ARHGAP23: variants seen among roughly 807,000 people sequenced by gnomAD.
The protein encoded by ARHGAP23 is Rho GTPase activating protein 23, also known as rho GTPase-activating protein 23.
Under a neutral mutation model 136.3 loss-of-function variants are expected in ARHGAP23, and 34 were observed. The ratio of observed to expected loss-of-function variants is 0.25; its 90% CI spans 0.19 to 0.33. The LOEUF (loss-of-function observed/expected upper bound fraction) is 0.33. ARHGAP23 is among the 10% of genes least tolerant of loss of function. ARHGAP23 has a pLI of 1.00. For synonymous variants in ARHGAP23, 832 were observed against 920.5 expected, an observed-to-expected ratio of 0.90 and a Z score of 1.74; for missense variants, 1,808 against 2,139.0, an observed-to-expected ratio of 0.85 and a Z score of 3.05.
chr17:38,448,596 G>T (rs71384228), intron 1 of ARHGAP23, among the ~76,000 whole-genome samples: 1 of 150,786 alleles, frequency 6.6e-6, no homozygotes, highest in Non-Finnish European at 1.5e-5. Context: ...TCCAGATCCC[G>T]TGTGTCAGCC....
At chr17:38,445,107 C>T (rs533999883) in intron 1 of ARHGAP23, among the ~76,000 whole-genome samples, 14 of 151,928 alleles carry the variant, frequency 9.2e-5, no homozygotes, top group Middle Eastern at 3.4e-3. Context: ...CCTGAGCCAC[C>T]GTGCCTGGCC....
At chr17:38,428,922 C>G (rs1399537048) in intron 1 of ARHGAP23, among the ~76,000 whole-genome samples, 1 of 152,040 alleles carries the variant, frequency 6.6e-6, no homozygotes, top group African/African-American at 2.4e-5. Context: ...TTTCCTCTGC[C>G]CGAGTTTTCG....
intron 1 of ARHGAP23, among the ~76,000 whole-genome samples, chr17:38,452,915 G>A (rs1233300602): frequency 6.6e-6 from 1 of 152,208 alleles, no homozygotes; most frequent in Non-Finnish European, 1.5e-5. Context: ...GAGCTAATGG[G>A]TAGGGAGTCC....
intron 17 of ARHGAP23, among the ~76,000 whole-genome samples, chr17:38,488,412 G>A (rs914173249): frequency 2.6e-5 from 4 of 152,130 alleles, no homozygotes; most frequent in African/African-American, 9.7e-5. Context: ...TTTTTCTTAT[G>A]TTGATTTGCG....
intron 1 of ARHGAP23, among the ~76,000 whole-genome samples, chr17:38,435,723 C>T (rs992423385): frequency 3.7e-4 from 56 of 152,258 alleles, no homozygotes; most frequent in East Asian, 1.9e-4. Context: ...CTCTGCCTCC[C>T]GAGTAGTTGG....
chr17:38,466,666 C>T lies in ARHGAP23; in HGVS notation c.983C>T (p.Pro328Leu), dbSNP rs942012058. ...DRLEEVAAPRPWPCSTSQDAL... is the reference protein window; with the variant it reads ...DRLEEVAAPRLWPCSTSQDAL... ...TTGGAGGAGGTGGCTGCCCCCCGCC[C>T]GTGGCCCTGCTCCACCTCCCAGGAT... The change falls in exon 7 of 24, where the codon CCG becomes CTG. Residue 328 changes from proline (P) to leucine (L), a missense_variant. Around this residue, in one of 7 missense-constraint regions of ARHGAP23, gnomAD observed 859 missense variants for 936.4 expected, o/e 0.92. Coordinates refer to ENST00000622683, the MANE Select transcript of ARHGAP23 (RefSeq NM_001199417.2). The T allele has an allele frequency of 1.3e-5, 20 of 1,513,268 alleles. No individual in the cohort carries two copies. The highest frequency in any genetic ancestry group is 2.5e-5 in the East Asian group (1 of 40,694). 93.7% of individuals were successfully genotyped at this position (1,513,268 alleles called of 1,614,324 possible).
At chr17:38,496,419 A>G (rs1245269761) in intron 20 of ARHGAP23, among the ~76,000 whole-genome samples, 1 of 152,112 alleles carries the variant, frequency 6.6e-6, no homozygotes, top group Non-Finnish European at 1.5e-5. Context: ...GGGTACAGTG[A>G]GCTAGGATCA....
At chr17:38,428,393 A>C (rs537344413), upstream of ARHGAP23, 5 of 471,186 alleles carry the variant, frequency 1.1e-5, no homozygotes, top group African/African-American at 2.1e-5. Context: ...GCCCCCCCAC[A>C]CCGCGCTCGG....
intron 1 of ARHGAP23, among the ~76,000 whole-genome samples, chr17:38,433,736 G>A (rs2144497007): frequency 6.6e-6 from 1 of 152,314 alleles, no homozygotes; most frequent in African/African-American, 2.4e-5. Flanking sequence ...TTTGGACTGT[G>A]AGGCTCCCCA....
chr17:38,510,990 G>A lies in ARHGAP23; in HGVS notation c.*18G>A. 1 of 1,408,880 alleles carries A rather than the reference G, an allele frequency of 7.1e-7. No homozygotes were observed. The highest frequency in any genetic ancestry group is 9.1e-7 in the Non-Finnish European group (1 of 1,094,862). The allele number at this position is 1,408,880 out of a possible 1,614,324, so 87.3% of individuals were successfully genotyped here. ...GTCTGTGATCCCCACCTCCCGCGCC[G>A]CTCGGGCGCCACCCCTCCCTAGAGC... On this transcript the variant is annotated 3_prime_UTR_variant, in exon 24 of 24. Transcript: ENST00000622683. This position sits in a 1 kb window ranked among gnomAD's most constrained non-coding sequence, Gnocchi z 4.6.
At chr17:38,462,461 G>T (rs1263742501) in intron 3 of ARHGAP23, among the ~76,000 whole-genome samples, 1 of 151,866 alleles carries the variant, frequency 6.6e-6, no homozygotes, top group Admixed American at 6.6e-5. Context: ...TCACCATATT[G>T]GCCAGGCTGG....
At chr17:38,495,374 G>T (rs1278567153) in intron 20 of ARHGAP23, among the ~76,000 whole-genome samples, 2 of 151,900 alleles carry the variant, frequency 1.3e-5, no homozygotes, top group African/African-American at 4.8e-5. Context: ...CTGGGATTAT[G>T]GGTGCATGCC....
chr17:38,497,362 C>A (rs892236158), intron 20 of ARHGAP23, among the ~76,000 whole-genome samples: 2 of 152,240 alleles, frequency 1.3e-5, no homozygotes, highest in Non-Finnish European at 2.9e-5. Context: ...GTGGGGCACA[C>A]TCGGCTGTCA....
intron 17 of ARHGAP23, among the ~76,000 whole-genome samples, chr17:38,487,913 A>G (rs2040193084): frequency 6.6e-6 from 1 of 151,968 alleles, no homozygotes; most frequent in Admixed American, 6.6e-5. Flanking sequence ...TAAAAATACT[A>G]TTATTTGACA....
intron 6 of ARHGAP23, among the ~76,000 whole-genome samples, chr17:38,463,810 A>G (rs2039517535): frequency 1.3e-5 from 2 of 152,106 alleles, no homozygotes; most frequent in African/African-American, 2.4e-5. Flanking sequence ...TGCACCACAC[A>G]GTACCCGAGC....
intron 20 of ARHGAP23, among the ~76,000 whole-genome samples, chr17:38,494,579 A>AC (rs2040349132): frequency 2.0e-5 from 3 of 151,934 alleles, no homozygotes; most frequent in Non-Finnish European, 4.4e-5. Flanking sequence ...CACACACACA[A>AC]AAATCCATTA....
At chr17:38,455,562 G>A (rs1476391479) in intron 1 of ARHGAP23, among the ~76,000 whole-genome samples, 8 of 152,150 alleles carry the variant, frequency 5.3e-5, no homozygotes, top group Non-Finnish European at 1.0e-4. Flanking sequence ...GGCGGGGGGC[G>A]TGCGGGGACC....
intron 22 of ARHGAP23, chr17:38,499,043 G>C: frequency 1.4e-6 from 1 of 694,452 alleles, no homozygotes; most frequent in Admixed American, 2.0e-5. Flanking sequence ...AGAATGTCCC[G>C]GACTGTGAGG....
chr17:38,490,207 G>A, intron 18 of ARHGAP23, 32 bp downstream of exon 18: 1 of 1,545,486 alleles, frequency 6.5e-7, no homozygotes, highest in Non-Finnish European at 8.8e-7. Context: ...CAGACACGAG[G>A]TGGGGCAGCT....
Sources: allele counts gnomAD v4.1 joint callset (sites outside exome capture counted in the v4.1 genomes callset), GRCh38; gene constraint gnomAD v4.1.1; regional missense constraint gnomAD v4.1.1; non-coding constraint Gnocchi (gnomAD v3.1); transcripts MANE v1.5; gene names NCBI Gene and HGNC (gene_info 2026-07-23, HGNC 2026-07-21).